YPEL2: variants seen among roughly 807,000 people sequenced by gnomAD.
YPEL2 encodes the protein yippee like 2.
In YPEL2, 2 loss-of-function variants were observed where a neutral mutation model predicts 19.1. The observed-to-expected ratio is 0.10, with a 90% CI of 0.04 to 0.33. YPEL2 has a LOEUF of 0.33. Ranked by LOEUF, YPEL2 falls within the 10% of genes least tolerant of loss-of-function variation. The pLI is 1.00. For synonymous variants in YPEL2, 52 were observed against 50.0 expected (o/e 1.04, Z -0.17); for missense variants, 66 against 140.7 (o/e 0.47, Z 2.68).
At chr17:59,358,092 G>GGGT (rs1464484052) in intron 2 of YPEL2, among the ~76,000 whole-genome samples, 1 of 152,150 alleles carries the variant, frequency 6.6e-6, no homozygotes, top group Non-Finnish European at 1.5e-5. Flanking sequence ...GACAGGCCAT[G>GGGT]GGTGACTCAG....
At chr17:59,358,133 C>T (rs1567740562) in intron 2 of YPEL2, among the ~76,000 whole-genome samples, 3 of 152,134 alleles carry the variant, frequency 2.0e-5, no homozygotes, top group Admixed American at 6.5e-5. Context: ...AGCCTCAGAG[C>T]CAGGGCCATC....
At chr17:59,396,006 G>A (rs945648335) in intron 4 of YPEL2, among the ~76,000 whole-genome samples, 9 of 152,076 alleles carry the variant, frequency 5.9e-5, no homozygotes, top group South Asian at 2.1e-4. Context: ...GCTTGAACCC[G>A]GGAGACGGAG....
chr17:59,396,186 G>A (rs2048038518), intron 4 of YPEL2, among the ~76,000 whole-genome samples: 1 of 152,176 alleles, frequency 6.6e-6, no homozygotes. Flanking sequence ...ACTTCCGTTA[G>A]CACCAGTAAA....
At chr17:59,361,199 G>A (rs537292782) in intron 2 of YPEL2, among the ~76,000 whole-genome samples, 5 of 152,138 alleles carry the variant, frequency 3.3e-5, no homozygotes, top group African/African-American at 4.8e-5. Context: ...AGAGTTTCTG[G>A]TGTATGTGGG....
At chr17:59,351,738 C>T (rs2047788517) in intron 1 of YPEL2, among the ~76,000 whole-genome samples, 1 of 152,176 alleles carries the variant, frequency 6.6e-6, no homozygotes, top group Admixed American at 6.5e-5. Context: ...CGACATCATA[C>T]ATTGGCCCCC....
chr17:59,394,278 TCTC>T (rs2048025446), intron 4 of YPEL2, among the ~76,000 whole-genome samples: 1 of 142,954 alleles, frequency 7.0e-6, no homozygotes, highest in African/African-American at 2.7e-5. Context: ...GGGCGGAGGG[TCTC>T]CTCACTTCTC....
At chr17:59,350,718 T>TC (rs2047783533) in intron 1 of YPEL2, among the ~76,000 whole-genome samples, 1 of 152,168 alleles carries the variant, frequency 6.6e-6, no homozygotes, top group Non-Finnish European at 1.5e-5. Context: ...CCTGTAAACT[T>TC]TTTTTGGGGG....
intron 2 of YPEL2, among the ~76,000 whole-genome samples, chr17:59,372,585 G>A (rs2047902130): frequency 6.6e-6 from 1 of 152,190 alleles, no homozygotes; most frequent in African/African-American, 2.4e-5. Flanking sequence ...GCCCAGTGCT[G>A]CTAAGGATCC....
intron 4 of YPEL2, among the ~76,000 whole-genome samples, chr17:59,396,460 A>G (rs1183310785): frequency 6.6e-6 from 1 of 152,226 alleles, no homozygotes; most frequent in East Asian, 1.9e-4. Flanking sequence ...AGAAGGGAGA[A>G]AGGGAGTACT....
intron 2 of YPEL2, among the ~76,000 whole-genome samples, chr17:59,369,926 T>C (rs1279944727): frequency 1.3e-5 from 2 of 152,268 alleles, no homozygotes; most frequent in Non-Finnish European, 2.9e-5. Context: ...ATGTGAATCA[T>C]GTCTTTTGCC....
At chr17:59,377,133 A>AGT (rs2047926085) in intron 2 of YPEL2, among the ~76,000 whole-genome samples, 1 of 152,196 alleles carries the variant, frequency 6.6e-6, no homozygotes, top group South Asian at 2.1e-4. Flanking sequence ...CTGACTTCAT[A>AGT]GACAACCTTT....
At chr17:59,393,522 A>G (rs1398907587) in intron 4 of YPEL2, among the ~76,000 whole-genome samples, 1 of 133,064 alleles carries the variant, frequency 7.5e-6, no homozygotes. Flanking sequence ...TTATTTATTT[A>G]TTTATTTTTT....
At chr17:59,341,778 C>T (rs1249585322) in intron 1 of YPEL2, among the ~76,000 whole-genome samples, 1 of 152,242 alleles carries the variant, frequency 6.6e-6, no homozygotes, top group Non-Finnish European at 1.5e-5. Flanking sequence ...AGAACAGGGA[C>T]TTCGATTCTT....
intron 2 of YPEL2, among the ~76,000 whole-genome samples, chr17:59,375,976 G>A (rs753196026): frequency 3.3e-5 from 5 of 152,144 alleles, no homozygotes; most frequent in Non-Finnish European, 7.4e-5. Context: ...GTGAAACTGG[G>A]GAAGTTTAAC....
intron 2 of YPEL2, among the ~76,000 whole-genome samples, chr17:59,376,425 G>A (rs2047921159): frequency 6.6e-6 from 1 of 152,076 alleles, no homozygotes; most frequent in Admixed American, 6.6e-5. Flanking sequence ...CACCATTTTG[G>A]CAGACTGGTC....
intron 2 of YPEL2, among the ~76,000 whole-genome samples, chr17:59,364,710 C>T (rs1452235290): frequency 1.3e-5 from 2 of 151,668 alleles, no homozygotes; most frequent in South Asian, 2.1e-4. Flanking sequence ...CTCCACCTCC[C>T]GAGTTGAAGC....
At chr17:59,334,571 AACACACACACACACACACAC>A (rs35386954) in intron 1 of YPEL2, among the ~76,000 whole-genome samples, 2 of 145,122 alleles carry the variant, frequency 1.4e-5, no homozygotes, top group East Asian at 2.0e-4. Flanking sequence ...TTCAGGCACA[AACACACACACACACACACAC>A]ACACACACAC....
chr17:59,366,995 C>T (rs575154072), intron 2 of YPEL2, among the ~76,000 whole-genome samples: 72 of 152,122 alleles, frequency 4.7e-4, no homozygotes, highest in Non-Finnish European at 8.7e-4. Context: ...GGTAAATACA[C>T]GAGAAAGGAA....
At chr17:59,350,716 C>T (rs1426699094) in intron 1 of YPEL2, among the ~76,000 whole-genome samples, 3 of 152,138 alleles carry the variant, frequency 2.0e-5, no homozygotes, top group Non-Finnish European at 4.4e-5. Flanking sequence ...TACCTGTAAA[C>T]TTTTTTTGGG....
Sources: gnomAD v4.1 joint callset for allele counts (sites outside exome capture counted in the v4.1 genomes callset) on GRCh38, gnomAD v4.1.1 for gene constraint, MANE v1.5 for transcripts, NCBI Gene and HGNC (gene_info 2026-07-23, HGNC 2026-07-21) for gene names.